Variants in STK35 observed in about 807,000 individuals in gnomAD.
STK35 encodes the protein serine/threonine-protein kinase 35.
Under a neutral mutation model 37.3 loss-of-function variants are expected in STK35, and 17 were observed. The ratio of observed to expected loss-of-function variants is 0.46; its 90% CI spans 0.31 to 0.68. STK35 has a LOEUF of 0.68. STK35 is among the 30% of genes least tolerant of loss of function. STK35 has a pLI of 0.05. For missense variants in STK35, 595 were observed against 746.7 expected (o/e 0.80, Z 2.37); for synonymous variants, 385 against 319.1 (o/e 1.21, Z -2.20).
chr20:2,116,374 G>A (rs1985717173), intron 2 of STK35, among the ~76,000 whole-genome samples: 1 of 152,140 alleles, frequency 6.6e-6, no homozygotes, highest in Admixed American at 6.5e-5. Flanking sequence ...GGTGTGGGTG[G>A]TATGGCACTC....
At position 2,102,056 on chromosome 20, in the gene STK35, C is replaced by T; in HGVS notation, c.175C>T (p.Arg59Trp). Reference protein sequence around the residue: ...AAEGSATRRARAATSRAARSR... With the variant: ...AAEGSATRRAWAATSRAARSR... ...AGAAGGATCCGCTACACGCCGGGCT[C>T]GGGCCGCCACCTCCCGCGCTGCTCG... is the stretch of plus-strand genomic sequence containing the variant. Residue 59 changes from arginine to tryptophan, a missense_variant, in exon 1 of 4, where the codon CGG becomes TGG. Coordinates refer to ENST00000381482, the MANE Select transcript of STK35 (RefSeq NM_080836.4). 2 of 1,522,862 alleles carry T rather than the reference C, an allele frequency of 1.3e-6. No homozygotes were observed. The highest frequency in any genetic ancestry group is 2.5e-5 in the East Asian group (1 of 40,276). 94.3% of individuals were successfully genotyped at this position (1,522,862 alleles called of 1,614,324 possible).
At chr20:2,140,719 A>T (rs527467507) in intron 3 of STK35, among the ~76,000 whole-genome samples, 1 of 152,276 alleles carries the variant, frequency 6.6e-6, no homozygotes, top group East Asian at 1.9e-4. Flanking sequence ...AGCTAGAGGG[A>T]GCAGGGAGGA....
chr20:2,120,597 G>A (rs1167409626), intron 3 of STK35, among the ~76,000 whole-genome samples: 4 of 152,216 alleles, frequency 2.6e-5, no homozygotes, highest in African/African-American at 9.7e-5. Flanking sequence ...AGAATCTGAG[G>A]CTTGACTTGG....
At chr20:2,121,691 T>C (rs560485086) in intron 3 of STK35, among the ~76,000 whole-genome samples, 2 of 151,914 alleles carry the variant, frequency 1.3e-5, no homozygotes, top group South Asian at 2.1e-4. Flanking sequence ...CTCCAGGTGG[T>C]GCAACATTGA....
At chr20:2,135,329 G>C (rs955033036) in intron 3 of STK35, among the ~76,000 whole-genome samples, 1 of 152,186 alleles carries the variant, frequency 6.6e-6, no homozygotes, top group African/African-American at 2.4e-5. Flanking sequence ...GCTAGGTAAA[G>C]GGTGGACCCC....
At chr20:2,141,692 T>C (rs907866525) in intron 3 of STK35, among the ~76,000 whole-genome samples, 2 of 152,214 alleles carry the variant, frequency 1.3e-5, no homozygotes, top group African/African-American at 4.8e-5. Context: ...TATTGTCAGA[T>C]TTTCCTACAC....
rs1021307552 is a variant in STK35, at chr20:2,143,876, C to G, written c.*130C>G. 3.3e-5 allele frequency: 15 copies of G among 449,106 alleles called. No individual in the cohort carries two copies. Among genetic ancestry groups the G allele is most frequent in the Admixed American group, 2.2e-4 (9 of 40,856 alleles). 27.8% of individuals were successfully genotyped at this position (449,106 alleles called of 1,614,324 possible). A position where few individuals can be genotyped will look rare whatever the true frequency, so the allele number is the denominator to read the frequency against. On this transcript the variant is annotated 3_prime_UTR_variant, in exon 4 of 4. Transcript: ENST00000381482. ...GCCTGGCCGGTTGGCGATCTCCCGA[C>G]AGCTGGATCCGGCAATGTGAAGCTT...
chr20:2,137,271 A>G (rs1986102658), intron 3 of STK35, among the ~76,000 whole-genome samples: 1 of 152,184 alleles, frequency 6.6e-6, no homozygotes, highest in African/African-American at 2.4e-5. Context: ...GAGCAAACTG[A>G]GGCTCGGGGG....
chr20:2,105,566 T>C (rs1985498696), intron 2 of STK35, among the ~76,000 whole-genome samples: 1 of 152,216 alleles, frequency 6.6e-6, no homozygotes, highest in South Asian at 2.1e-4. Flanking sequence ...GCACAAAACA[T>C]GGAGCAAATT....
chr20:2,143,755 C>T (rs570627143), intron 3 of STK35, 29 bp from the exon 4 acceptor site: 98 of 362,616 alleles, frequency 2.7e-4, no homozygotes, highest in Non-Finnish European at 4.5e-4. Flanking sequence ...TGACCAATGT[C>T]CCCTCCTTAC....
At chr20:2,124,655 A>G (rs1385992075) in intron 3 of STK35, among the ~76,000 whole-genome samples, 1 of 152,154 alleles carries the variant, frequency 6.6e-6, no homozygotes, top group African/African-American at 2.4e-5. Flanking sequence ...AGCACTAAAC[A>G]GCTTCACAAG....
At chr20:2,102,251 G>A (rs1324546219) in intron 1 of STK35, 76 bp downstream of exon 1, 2 of 1,382,178 alleles carry the variant, frequency 1.4e-6, no homozygotes, top group South Asian at 1.6e-5. Flanking sequence ...CTTGGGAAGG[G>A]AAATCGGGTC....
intron 3 of STK35, among the ~76,000 whole-genome samples, chr20:2,135,390 G>A (rs140733707): frequency 9.2e-5 from 14 of 152,292 alleles, no homozygotes; most frequent in East Asian, 1.9e-4. Context: ...TGCCCCAGCC[G>A]CCTCTTTCAA....
Position 2,117,548 on chromosome 20 carries a change from G to T in STK35, c.*37+133G>T. ...CAACCTCCACCTCCCGAGTTCAAGT[G>T]ATTCTCGTGCCTCAGCCACCTGGGT... On this transcript the variant is annotated intron_variant, in intron 3 of 3. Coordinates refer to ENST00000381482, the MANE Select transcript of STK35 (RefSeq NM_080836.4). This position sits in a 1 kb window ranked among gnomAD's most constrained non-coding sequence, Gnocchi z 4.4. 3.7e-6 allele frequency: 2 copies of T among 544,746 alleles called. No homozygotes were observed. Among genetic ancestry groups the T allele is most frequent in the East Asian group, 6.0e-5 (2 of 33,428 alleles). The allele number at this position is 544,746 out of a possible 1,614,324, so 33.7% of individuals were successfully genotyped here.
chr20:2,134,783 C>A (rs1264455180), intron 3 of STK35, among the ~76,000 whole-genome samples: 1 of 151,628 alleles, frequency 6.6e-6, no homozygotes, highest in Non-Finnish European at 1.5e-5. Context: ...CCCAGCTACT[C>A]GGGAGGCTGA....
chr20:2,115,918 G>C lies in STK35; in HGVS notation c.893-748G>C, dbSNP rs1359193123. On this transcript the variant is annotated intron_variant, in intron 2 of 3. Coordinates refer to ENST00000381482, the MANE Select transcript of STK35 (RefSeq NM_080836.4). ...CTGCCCCCCCCTTCACTGTTTATAT[G>C]AGTTGACCCTGATGGAGATGTACAT... Among the ~76,000 whole-genome samples, 3 of 151,676 alleles carry C rather than the reference G, an allele frequency of 2.0e-5. No individual in the cohort carries two copies. In the East Asian group the frequency reaches 5.8e-4, roughly 29 times the overall value.
Position 2,139,343 on chromosome 20 carries a change from C to T in STK35, c.*38-4441C>T, listed in dbSNP as rs374197092. Among the ~76,000 whole-genome samples the T allele has an allele frequency of 1.1e-4, 17 of 152,328 alleles. No individual in the cohort carries two copies. In the East Asian group the frequency reaches 2.5e-3, roughly 22 times the overall value. On this transcript the variant is annotated intron_variant, in intron 3 of 3. Transcript: ENST00000381482. ...GGAAGACCGTTCACTGCCTGGTTGG[C>T]ACCATGTCCCCTTTTGTCCCCCGAG... is the stretch of plus-strand genomic sequence containing the variant.
At chr20:2,140,002 T>C (rs537407792) in intron 3 of STK35, among the ~76,000 whole-genome samples, 1 of 152,136 alleles carries the variant, frequency 6.6e-6, no homozygotes, top group African/African-American at 2.4e-5. Context: ...GCAGAGACTT[T>C]GGGTAGTAAA....
chr20:2,129,645 A>C (rs1439982392), intron 3 of STK35, among the ~76,000 whole-genome samples: 3 of 152,148 alleles, frequency 2.0e-5, no homozygotes, highest in Non-Finnish European at 2.9e-5. Flanking sequence ...CCCTTGAGGC[A>C]CTGAGTTTGA....
Sources: allele counts gnomAD v4.1 joint callset (sites outside exome capture counted in the v4.1 genomes callset), GRCh38; gene constraint gnomAD v4.1.1; non-coding constraint Gnocchi (gnomAD v3.1); transcripts MANE v1.5; gene names NCBI Gene and HGNC (gene_info 2026-07-23, HGNC 2026-07-21).